The following RAD51B variants were observed in gnomAD, a reference collection of about 807,000 sequenced individuals.
RAD51B encodes the protein DNA repair protein RAD51 homolog 2.
RAD51B carries 38 observed loss-of-function variants against 42.2 expected under a neutral mutation model. The ratio of observed to expected loss-of-function variants is 0.90; its 90% CI spans 0.70 to 1.18. The LOEUF is 1.18. RAD51B is among the 50% of genes most tolerant of loss of function. RAD51B has a pLI of 0.00. For synonymous variants in RAD51B, 154 were observed against 145.2 expected (o/e 1.06, Z -0.43); for missense variants, 373 against 400.7 (o/e 0.93, Z 0.59).
chr14:68,291,867 T>C lies in RAD51B; in HGVS notation c.757-17T>C. 2 of 1,594,220 alleles carry C rather than the reference T, an allele frequency of 1.3e-6. No individual in the cohort carries two copies. The highest frequency in any genetic ancestry group is 2.2e-5 in the East Asian group (1 of 44,678). On this transcript the variant is annotated splice_polypyrimidine_tract_variant and intron_variant, in intron 7 of 10. Coordinates refer to ENST00000471583, the MANE Select transcript of RAD51B (RefSeq NM_133510.4). ...CTTCTCCCTTGCCCCCTACCCCTTC[T>C]CCCTGTCTGTTCACAGGTTATCTTG...
intron 7 of RAD51B, among the ~76,000 whole-genome samples, chr14:68,096,655 G>C (rs982124324): frequency 2.0e-5 from 3 of 152,142 alleles, no homozygotes; most frequent in African/African-American, 7.2e-5. Flanking sequence ...ATTCTTCTCA[G>C]ATCTCAAGGT....
chr14:68,066,278 TGAAA>T (rs1445004387), intron 7 of RAD51B, among the ~76,000 whole-genome samples: 1 of 152,068 alleles, frequency 6.6e-6, no homozygotes, highest in Non-Finnish European at 1.5e-5. Context: ...AGAGAAAATT[TGAAA>T]GAGTGTGTTT....
chr14:67,865,913 C>CT (rs1441717510), intron 5 of RAD51B, among the ~76,000 whole-genome samples: 1 of 152,176 alleles, frequency 6.6e-6, no homozygotes, highest in African/African-American at 2.4e-5. Flanking sequence ...ATTACAAACT[C>CT]TGACAATCTA....
chr14:68,342,884 C>T (rs960268445), intron 8 of RAD51B, among the ~76,000 whole-genome samples: 4 of 152,048 alleles, frequency 2.6e-5, no homozygotes, highest in Non-Finnish European at 5.9e-5. Context: ...CTTTGTTGTC[C>T]TCTGGATGTT....
intron 7 of RAD51B, among the ~76,000 whole-genome samples, chr14:68,039,553 G>A (rs1055292717): frequency 6.6e-6 from 1 of 152,074 alleles, no homozygotes; most frequent in Non-Finnish European, 1.5e-5. Flanking sequence ...CATTGGAGAA[G>A]TGGTTCACGT....
At chr14:67,981,043 C>G (rs184704330) in intron 7 of RAD51B, among the ~76,000 whole-genome samples, 1 of 151,976 alleles carries the variant, frequency 6.6e-6, no homozygotes, top group Non-Finnish European at 1.5e-5. Context: ...TCAAACAACC[C>G]AACAACAACA....
intron 7 of RAD51B, among the ~76,000 whole-genome samples, chr14:68,108,829 G>A (rs748618757): frequency 3.3e-5 from 5 of 151,644 alleles, no homozygotes; most frequent in Non-Finnish European, 5.9e-5. Flanking sequence ...ATTTGGCTTC[G>A]GTGGTTTGGA....
intron 7 of RAD51B, among the ~76,000 whole-genome samples, chr14:68,207,808 C>G (rs1038516857): frequency 3.3e-5 from 5 of 151,642 alleles, no homozygotes; most frequent in Admixed American, 3.3e-4. Flanking sequence ...TATTTGGTTA[C>G]CAAAGGTTTT....
chr14:68,414,842 T>C lies in RAD51B; in HGVS notation c.957+3315T>C, dbSNP rs548583835. ...TTCGAGACCAGCCTGACCAACATGG[T>C]AAAACCCCATCTCTACTAAAAAAAA... is the stretch of plus-strand genomic sequence containing the variant. On this transcript the variant is annotated intron_variant, in intron 9 of 10. Coordinates refer to ENST00000471583, the MANE Select transcript of RAD51B (RefSeq NM_133510.4). 4.2e-5 allele frequency among the ~76,000 whole-genome samples: 5 copies of C among 117,834 alleles called. No homozygotes were observed. The South Asian group carries it at 1.3e-3, about 32-fold the overall frequency. The allele number at this position is 117,834 out of a possible 152,430, so 77.3% of individuals were successfully genotyped here. A position where few individuals can be genotyped will look rare whatever the true frequency, so the allele number is the denominator to read the frequency against.
At position 68,565,497 on chromosome 14, in the gene RAD51B, A is replaced by G. The variant is rs1261415803; in HGVS notation, c.1037-28988A>G. Among the ~76,000 whole-genome samples, 1 of 152,292 alleles carries G rather than the reference A, an allele frequency of 6.6e-6. No homozygotes were observed. The highest frequency in any genetic ancestry group is 1.9e-4 in the East Asian group (1 of 5,174). On this transcript the variant is annotated intron_variant, in intron 10 of 10. Transcript: ENST00000487270. The surrounding 1 kb of genome is among the most constrained non-coding windows in gnomAD (Gnocchi z 4.1). ...AGAGTGAGACTCTGTCTCAAAAAAA[A>G]AAGAAGTTCTTTCTTACATTGAGGT...
chr14:68,208,350 T>A (rs2079636462), intron 7 of RAD51B, among the ~76,000 whole-genome samples: 1 of 152,238 alleles, frequency 6.6e-6, no homozygotes, highest in Admixed American at 6.5e-5. Flanking sequence ...TGACCCAGCC[T>A]GTGGCTACTG....
At chr14:68,065,929 G>C (rs1341929517) in intron 7 of RAD51B, among the ~76,000 whole-genome samples, 2 of 151,966 alleles carry the variant, frequency 1.3e-5, no homozygotes, top group East Asian at 1.9e-4. Flanking sequence ...ATGTAATTTG[G>C]TGTTATAATA....
intron 8 of RAD51B, among the ~76,000 whole-genome samples, chr14:68,335,640 A>G (rs1396995825): frequency 6.6e-6 from 1 of 152,170 alleles, no homozygotes; most frequent in African/African-American, 2.4e-5. Flanking sequence ...AGCATTTCAG[A>G]GAGTTGGAAA....
chr14:68,354,577 C>G (rs1052110917), intron 8 of RAD51B, among the ~76,000 whole-genome samples: 6 of 151,530 alleles, frequency 4.0e-5, no homozygotes, highest in African/African-American at 1.5e-4. Flanking sequence ...GCTTAAACAT[C>G]AAAAGAATTG....
intron 2 of RAD51B, among the ~76,000 whole-genome samples, chr14:67,825,133 C>T (rs2040779825): frequency 7.0e-6 from 1 of 141,848 alleles, no homozygotes; most frequent in South Asian, 2.3e-4. Context: ...CAACCTGACA[C>T]TTTCTGGGCA....
Position 68,534,471 on chromosome 14 carries a change from G to C in RAD51B, c.1037-60014G>C, listed in dbSNP as rs766287885. 1.4e-3 allele frequency among the ~76,000 whole-genome samples: 211 copies of C among 152,322 alleles called. 1 individual carries two copies. The highest frequency in any genetic ancestry group is 0.01 in the Middle Eastern group (3 of 294). ...AGGATAAAGGAGGAGAAAGGGTTTG[G>C]AAGTAGCAGTGGAAAGCAAGGAAGC... is the stretch of plus-strand genomic sequence containing the variant. On this transcript the variant is annotated intron_variant, in intron 10 of 10. Transcript: ENST00000487270.
At chr14:68,520,308 G>A (rs1886484717) in intron 10 of RAD51B, among the ~76,000 whole-genome samples, 1 of 152,144 alleles carries the variant, frequency 6.6e-6, no homozygotes, top group Admixed American at 6.5e-5. Flanking sequence ...ATAATCCAAA[G>A]CCACATGTAA....
chr14:67,988,563 T>A (rs1274579955), intron 7 of RAD51B, among the ~76,000 whole-genome samples: 1 of 152,240 alleles, frequency 6.6e-6, no homozygotes, highest in African/African-American at 2.4e-5. Context: ...AAACTGGTGA[T>A]GCACTAAGTT....
chr14:67,850,885 C>T, intron 4 of RAD51B, among the ~76,000 whole-genome samples: 1 of 152,090 alleles, frequency 6.6e-6, no homozygotes, highest in East Asian at 1.9e-4. Context: ...CTCTTGACTC[C>T]TGGATCAGAC....
Sources: gnomAD v4.1 joint callset for allele counts (sites outside exome capture counted in the v4.1 genomes callset) on GRCh38, gnomAD v4.1.1 for gene constraint, Gnocchi (gnomAD v3.1) non-coding constraint, MANE v1.5 for transcripts, NCBI Gene and HGNC (gene_info 2026-07-23, HGNC 2026-07-21) for gene names.